SATB1: variants seen among roughly 807,000 people sequenced by gnomAD.
SATB1 encodes the protein DNA-binding protein SATB1.
In SATB1, 11 loss-of-function variants were observed where a neutral mutation model predicts 86.9. That is an observed-to-expected ratio of 0.13 (90% CI 0.08 to 0.21). The LOEUF (loss-of-function observed/expected upper bound fraction) is 0.21. SATB1 is among the 10% of genes least tolerant of loss of function. The pLI is 1.00. For synonymous variants in SATB1, 357 were observed against 357.2 expected (o/e 1.00, Z 0.01); for missense variants, 551 against 937.6 (o/e 0.59, Z 5.39).
rs1165538497 is a variant in SATB1, at chr3:18,346,265, AG to A, written c.*2904del. 1 of 152,154 alleles carries A rather than the reference AG, an allele frequency of 6.6e-6. No individual in the cohort carries two copies. Among genetic ancestry groups the A allele is most frequent in the African/African-American group, 2.4e-5 (1 of 41,454 alleles). The allele number at this position is 152,154 out of a possible 1,614,324, so 9.4% of individuals were successfully genotyped here. ...AAATTAGTGGCAAAGTGCTGAGTGA[AG>A]GGAATCCATGACAGATTCAGATGCA... On this transcript the variant is annotated 3_prime_UTR_variant, in exon 11 of 11. Coordinates refer to ENST00000338745, the MANE Select transcript of SATB1 (RefSeq NM_002971.6).
At chr3:18,381,837 A>T (rs1272018228) in intron 8 of SATB1, among the ~76,000 whole-genome samples, 2 of 151,910 alleles carry the variant, frequency 1.3e-5, no homozygotes, top group Admixed American at 1.3e-4. Context: ...AATATTTCCC[A>T]CTCTCAAATT....
intron 6 of SATB1, among the ~76,000 whole-genome samples, chr3:18,395,607 G>A (rs1348857018): frequency 6.6e-6 from 1 of 152,160 alleles, no homozygotes; most frequent in Non-Finnish European, 1.5e-5. Context: ...AATAAAGCAA[G>A]TGATTTATTG....
chr3:18,445,562 G>C (rs1699374033), exon 1 of SATB1: 1 of 982,234 alleles, frequency 1.0e-6, no homozygotes, highest in African/African-American at 1.7e-5. Context: ...CTTGTCGCCT[G>C]CGGCTTCCTC....
At chr3:18,398,968 C>A (rs2125124431) in intron 5 of SATB1, among the ~76,000 whole-genome samples, 1 of 152,260 alleles carries the variant, frequency 6.6e-6, no homozygotes, top group East Asian at 1.9e-4. Flanking sequence ...AAGTCAGACA[C>A]TAATAAAAAC....
In SATB1 at chr3:18,415,249, G is replaced by T; in HGVS notation, c.516-15C>A. 6.2e-7 allele frequency: 1 copy of T among 1,612,170 alleles called. No individual in the cohort carries two copies. The highest frequency in any genetic ancestry group is 8.5e-7 in the Non-Finnish European group (1 of 1,178,726). On this transcript the variant is annotated splice_polypyrimidine_tract_variant and intron_variant, in intron 4 of 10. Coordinates refer to ENST00000338745, the MANE Select transcript of SATB1 (RefSeq NM_002971.6). ...GTTTGGGGCAACTATTTGAGACATAGATTAGAAAGGGGATTATTACAAGAT... is the reference window on the plus strand; with the variant it reads ...GTTTGGGGCAACTATTTGAGACATATATTAGAAAGGGGATTATTACAAGAT...
intron 2 of SATB1, chr3:18,417,705 T>A: frequency 2.9e-6 from 2 of 696,274 alleles, no homozygotes; most frequent in Non-Finnish European, 5.2e-6. Flanking sequence ...AATATCTGCA[T>A]AATGTAGAAA....
At chr3:18,402,680 G>GT (rs1697330791) in intron 5 of SATB1, among the ~76,000 whole-genome samples, 1 of 152,030 alleles carries the variant, frequency 6.6e-6, no homozygotes, top group Non-Finnish European at 1.5e-5. Context: ...ACATGCTTGC[G>GT]TTTTTTGCAC....
intron 9 of SATB1, among the ~76,000 whole-genome samples, chr3:18,377,795 T>C (rs896699830): frequency 6.6e-6 from 1 of 152,196 alleles, no homozygotes; most frequent in African/African-American, 2.4e-5. Context: ...TAAAGTTTTG[T>C]AGCATTTTAG....
chr3:18,395,744 T>C (rs1384959192), intron 6 of SATB1, among the ~76,000 whole-genome samples: 1 of 152,212 alleles, frequency 6.6e-6, no homozygotes, highest in Non-Finnish European at 1.5e-5. Flanking sequence ...GAGGCTGTCA[T>C]GATTTTGCAA....
chr3:18,418,859 T>G (rs34666847), intron 2 of SATB1, among the ~76,000 whole-genome samples: 5,272 of 152,272 alleles, frequency 0.035, 110 homozygotes, highest in Non-Finnish European at 0.055. Context: ...TTAAACTGCA[T>G]TTTTAGAATA....
chr3:18,408,274 G>A (rs1488951864), intron 5 of SATB1, among the ~76,000 whole-genome samples: 1 of 151,906 alleles, frequency 6.6e-6, no homozygotes, highest in Admixed American at 6.6e-5. Flanking sequence ...GAGGAATTCT[G>A]CAATCTTATG....
Position 18,423,988 on chromosome 3 carries a change from G to A in SATB1, c.-386C>T, listed in dbSNP as rs1698528723. On this transcript the variant is annotated 5_prime_UTR_variant, in exon 1 of 11. Transcript: ENST00000338745. ...GGGGAGGAGGGGAGAGTGGGAAGCA[G>A]GGAGGAGGAAGAAGATAAAATTGAT... 1 of 152,276 alleles carries A rather than the reference G, an allele frequency of 6.6e-6. No individual in the cohort carries two copies. The highest frequency in any genetic ancestry group is 1.5e-5 in the Non-Finnish European group (1 of 68,150). The allele number at this position is 152,276 out of a possible 1,614,324, so 9.4% of individuals were successfully genotyped here.
chr3:18,416,821 A>AT, intron 3 of SATB1, 81 bp downstream of exon 3: 1 of 1,348,860 alleles, frequency 7.4e-7, no homozygotes, highest in East Asian at 2.4e-5. Flanking sequence ...AGTTCTTTGA[A>AT]TAAAAATATT....
chr3:18,439,558 A>G (rs1231392005), upstream of SATB1, among the ~76,000 whole-genome samples: 1 of 152,226 alleles, frequency 6.6e-6, no homozygotes, highest in Non-Finnish European at 1.5e-5. Context: ...ACCACTGAGA[A>G]CAGCATTTAG....
At chr3:18,373,493 T>G (rs138104671) in intron 9 of SATB1, among the ~76,000 whole-genome samples, 134 of 152,340 alleles carry the variant, frequency 8.8e-4, no homozygotes, top group African/African-American at 3.1e-3. Context: ...CTGGATTTTG[T>G]CACTATAGAT....
Position 18,351,988 on chromosome 3 carries a change from G to C in SATB1, c.1779+4C>G. On this transcript the variant is annotated splice_donor_region_variant and intron_variant, in intron 10 of 10. Transcript: ENST00000338745. ...CTATACTGAATTGGCCAAAGTAAAC[G>C]AACCTGAATCTGCTCTGCTGGAACA... 6.2e-7 allele frequency: 1 copy of C among 1,614,064 alleles called. No homozygotes were observed. The highest frequency in any genetic ancestry group is 8.5e-7 in the Non-Finnish European group (1 of 1,179,968).
At chr3:18,366,126 T>C (rs1040836719) in intron 9 of SATB1, among the ~76,000 whole-genome samples, 9 of 152,214 alleles carry the variant, frequency 5.9e-5, no homozygotes, top group Admixed American at 3.3e-4. Flanking sequence ...GCAGCACTCC[T>C]GTTGGTACCA....
intron 4 of SATB1, 133 bp from the exon 5 acceptor site, chr3:18,415,367 T>A: frequency 1.0e-6 from 1 of 987,968 alleles, no homozygotes; most frequent in East Asian, 2.5e-5. Context: ...GTCTCCTGAT[T>A]GTTCCGATTA....
intron 9 of SATB1, among the ~76,000 whole-genome samples, chr3:18,365,020 T>G (rs1369062537): frequency 6.6e-6 from 1 of 152,116 alleles, no homozygotes; most frequent in Non-Finnish European, 1.5e-5. Context: ...AGAAGGTCCC[T>G]GCCCCCATTC....
Sources: gnomAD v4.1 joint callset for allele counts (sites outside exome capture counted in the v4.1 genomes callset) on GRCh38, gnomAD v4.1.1 for gene constraint, MANE v1.5 for transcripts, NCBI Gene and HGNC (gene_info 2026-07-23, HGNC 2026-07-21) for gene names.